The following SLC9A8 variants were observed in gnomAD, a reference collection of about 807,000 sequenced individuals.
The protein encoded by SLC9A8 is sodium/hydrogen exchanger 8.
SLC9A8 carries 48 observed loss-of-function variants against 66.6 expected under a neutral mutation model. The ratio of observed to expected loss-of-function variants is 0.72; its 90% CI spans 0.57 to 0.92. The LOEUF (loss-of-function observed/expected upper bound fraction) is 0.92, where lower values mean the gene tolerates loss of function less well. SLC9A8 is among the 40% of genes least tolerant of loss of function. SLC9A8 has a pLI of 0.00. For synonymous variants in SLC9A8, 274 were observed against 282.6 expected (o/e 0.97, Z 0.31); for missense variants, 599 against 747.3 (o/e 0.80, Z 2.31).
chr20:49,839,273 G>T (rs1251768324), intron 3 of SLC9A8, among the ~76,000 whole-genome samples: 1 of 152,148 alleles, frequency 6.6e-6, no homozygotes, highest in African/African-American at 2.4e-5. Context: ...TCTTCACCAG[G>T]CAGAGTGTCC....
At chr20:49,849,432 C>T (rs4810988) in intron 5 of SLC9A8, 147 bp from the exon 6 acceptor site, 239,951 of 630,752 alleles carry the variant, frequency 0.38, 49,276 homozygotes, top group African/African-American at 0.58. Context: ...AGGAAGACTC[C>T]CGGGCTCCCA....
chr20:49,821,898 A>G (rs978527138), intron 2 of SLC9A8, among the ~76,000 whole-genome samples: 11 of 152,186 alleles, frequency 7.2e-5, no homozygotes, highest in African/African-American at 2.4e-4. Context: ...AGATTGAGGA[A>G]TGAAGGCATC....
At chr20:49,848,456 T>C (rs1401745057) in intron 5 of SLC9A8, among the ~76,000 whole-genome samples, 2 of 151,840 alleles carry the variant, frequency 1.3e-5, no homozygotes, top group Non-Finnish European at 2.9e-5. Flanking sequence ...GGACACTCTT[T>C]CACAAGTGGG....
intron 3 of SLC9A8, among the ~76,000 whole-genome samples, chr20:49,831,290 T>A (rs1056421793): frequency 4.6e-5 from 7 of 152,006 alleles, no homozygotes; most frequent in Non-Finnish European, 8.8e-5. Flanking sequence ...GTCAGCAGGA[T>A]TGGCTCATGG....
At chr20:49,817,133 C>T (rs1375721106) in intron 2 of SLC9A8, among the ~76,000 whole-genome samples, 1 of 151,460 alleles carries the variant, frequency 6.6e-6, no homozygotes, top group Non-Finnish European at 1.5e-5. Context: ...CTGGCCAACA[C>T]GATGACTCCA....
intron 10 of SLC9A8, among the ~76,000 whole-genome samples, chr20:49,872,343 G>T (rs1410783181): frequency 6.6e-6 from 1 of 152,122 alleles, no homozygotes; most frequent in Non-Finnish European, 1.5e-5. Context: ...CACTCAGCCA[G>T]CCCATACCTG....
rs1046179716 is a variant in SLC9A8, at chr20:49,812,922, G to A, written c.-1G>A. 3.8e-5 allele frequency: 57 copies of A among 1,486,340 alleles called. No homozygotes were observed. Among genetic ancestry groups the A allele is most frequent in the Admixed American group, 7.0e-5 (3 of 43,082 alleles). 92.1% of individuals were successfully genotyped at this position (1,486,340 alleles called of 1,614,324 possible). Reference sequence around the variant, plus strand: ...CTCGGTGGTCCTGGAAGCTCCGCAGGATGGGGGAGAAGATGGCGGAAGAGG... The same window carrying A: ...CTCGGTGGTCCTGGAAGCTCCGCAGAATGGGGGAGAAGATGGCGGAAGAGG... On this transcript the variant is annotated 5_prime_UTR_variant, in exon 1 of 16. Transcript: ENST00000361573.
chr20:49,815,944 G>A (rs1055625580), intron 2 of SLC9A8, among the ~76,000 whole-genome samples: 1 of 152,078 alleles, frequency 6.6e-6, no homozygotes, highest in African/African-American at 2.4e-5. Flanking sequence ...ACTTCCATGT[G>A]AATTTTATTT....
chr20:49,820,160 C>T lies in SLC9A8; in HGVS notation c.209-2901C>T, dbSNP rs76566447. Among the ~76,000 whole-genome samples the T allele has an allele frequency of 2.6e-5, 4 of 152,290 alleles. No individual in the cohort carries two copies. The East Asian group carries it at 5.8e-4, about 22-fold the overall frequency. ...CACCATTTTACAAGGGTTCCGGTTT[C>T]TCCATGTTCTTGCGAACACTTGTTT... On this transcript the variant is annotated intron_variant, in intron 2 of 15. Transcript: ENST00000361573.
intron 12 of SLC9A8, among the ~76,000 whole-genome samples, chr20:49,878,310 C>T (rs1330476776): frequency 6.6e-6 from 1 of 151,674 alleles, no homozygotes; most frequent in Non-Finnish European, 1.5e-5. Context: ...TTTTAATGGC[C>T]TTGAATATTA....
At position 49,886,360 on chromosome 20, in the gene SLC9A8, G is replaced by A. The variant is rs74897662; in HGVS notation, c.1492-392G>A. 62 of 160,580 alleles carry A rather than the reference G, an allele frequency of 3.9e-4. 1 individual carries two copies. In the East Asian group the frequency reaches 0.01, roughly 27 times the overall value. 9.9% of individuals were successfully genotyped at this position (160,580 alleles called of 1,614,324 possible). The stretch of plus-strand genomic sequence containing the variant: ...GATTGGCAAAAGCCTGTCCACGGTG[G>A]AGTCCTAGCTAATAGAGCCACAGGC... On this transcript the variant is annotated intron_variant, in intron 14 of 15. Coordinates refer to ENST00000361573, the MANE Select transcript of SLC9A8 (RefSeq NM_015266.3). The surrounding 1 kb of genome is among the most constrained non-coding windows in gnomAD (Gnocchi z 4.8).
chr20:49,865,078 C>T (rs1236277536), intron 10 of SLC9A8, among the ~76,000 whole-genome samples: 1 of 152,224 alleles, frequency 6.6e-6, no homozygotes, highest in Non-Finnish European at 1.5e-5. Flanking sequence ...TCTTAACCCG[C>T]CTTCTCTCAT....
intron 1 of SLC9A8, among the ~76,000 whole-genome samples, chr20:49,813,462 C>T (rs1205695241): frequency 1.3e-5 from 2 of 152,220 alleles, no homozygotes; most frequent in Non-Finnish European, 2.9e-5. Flanking sequence ...TCTCTGGGAG[C>T]TTCCATTCTA....
At chr20:49,839,848 TG>T (rs535387173) in intron 4 of SLC9A8, among the ~76,000 whole-genome samples, 2 of 152,338 alleles carry the variant, frequency 1.3e-5, no homozygotes, top group South Asian at 4.1e-4. Flanking sequence ...CTTGCATTTT[TG>T]TAATCCTAGA....
chr20:49,843,880 G>C (rs1325091137), intron 4 of SLC9A8, among the ~76,000 whole-genome samples: 5 of 152,116 alleles, frequency 3.3e-5, no homozygotes, highest in Non-Finnish European at 1.5e-5. Flanking sequence ...TGCTGGGGGA[G>C]GGAGGTGAAT....
chr20:49,821,203 G>A (rs2086727255), intron 2 of SLC9A8, among the ~76,000 whole-genome samples: 1 of 152,124 alleles, frequency 6.6e-6, no homozygotes. Context: ...AGAGTTGTTT[G>A]ATCTATTTAT....
At chr20:49,836,174 G>A (rs1338188226) in intron 3 of SLC9A8, among the ~76,000 whole-genome samples, 1 of 152,092 alleles carries the variant, frequency 6.6e-6, no homozygotes, top group Non-Finnish European at 1.5e-5. Flanking sequence ...TAAAATATAT[G>A]GTCTTTTGTG....
chr20:49,845,260 G>A, intron 5 of SLC9A8, 141 bp downstream of exon 5: 1 of 636,282 alleles, frequency 1.6e-6, no homozygotes, highest in Non-Finnish European at 2.8e-6. Flanking sequence ...AGTGGAAGCT[G>A]GACTGCAGTG....
intron 3 of SLC9A8, among the ~76,000 whole-genome samples, chr20:49,838,272 A>C (rs950904991): frequency 6.6e-6 from 1 of 152,168 alleles, no homozygotes; most frequent in Admixed American, 6.5e-5. Flanking sequence ...TCCGCATACT[A>C]TTTGGCCAAT....
Sources: allele counts gnomAD v4.1 joint callset (sites outside exome capture counted in the v4.1 genomes callset), GRCh38; gene constraint gnomAD v4.1.1; non-coding constraint Gnocchi (gnomAD v3.1); transcripts MANE v1.5; gene names NCBI Gene and HGNC (gene_info 2026-07-23, HGNC 2026-07-21).